Variants in USPL1 observed in about 807,000 individuals in gnomAD.
The protein encoded by USPL1 is ubiquitin specific peptidase like 1, also known as SUMO-specific isopeptidase USPL1.
USPL1 carries 27 observed loss-of-function variants against 51.5 expected under a neutral mutation model. That is an observed-to-expected ratio of 0.52 (90% CI 0.39 to 0.72). The LOEUF (loss-of-function observed/expected upper bound fraction) is 0.72. Among genes scored for constraint, USPL1 ranks in the 30% least tolerant of loss-of-function variants. USPL1 has a pLI of 0.00. For missense variants in USPL1, 1,226 were observed against 1,268.0 expected, an observed-to-expected ratio of 0.97 and a Z score of 0.50; for synonymous variants, 451 against 459.6, an observed-to-expected ratio of 0.98 and a Z score of 0.24.
intron 3 of USPL1, among the ~76,000 whole-genome samples, chr13:30,626,853 T>G: frequency 6.6e-6 from 1 of 152,076 alleles, no homozygotes; most frequent in Non-Finnish European, 1.5e-5. Flanking sequence ...TTAATTAGTC[T>G]TTTTTAAAAA....
At chr13:30,645,309 T>C (rs1951003350) in intron 6 of USPL1, among the ~76,000 whole-genome samples, 1 of 152,224 alleles carries the variant, frequency 6.6e-6, no homozygotes, top group Admixed American at 6.5e-5. Context: ...TAGTGTATCT[T>C]TGCCAAATTT....
intron 3 of USPL1, among the ~76,000 whole-genome samples, 180 bp downstream of exon 3, chr13:30,622,072 C>T (rs148593822): frequency 3.9e-5 from 6 of 151,938 alleles, no homozygotes; most frequent in East Asian, 1.9e-4. Flanking sequence ...TACTTGGTTG[C>T]GTAAAGATGT....
chr13:30,626,113 C>T (rs923400947), intron 3 of USPL1, among the ~76,000 whole-genome samples: 2 of 152,128 alleles, frequency 1.3e-5, no homozygotes, highest in African/African-American at 2.4e-5. Flanking sequence ...GTCAGGAGTT[C>T]GAGACCAGCC....
intron 7 of USPL1, among the ~76,000 whole-genome samples, chr13:30,648,107 A>G (rs1951042057): frequency 6.6e-6 from 1 of 151,928 alleles, no homozygotes; most frequent in Admixed American, 6.6e-5. Context: ...TATTTGGCTA[A>G]CTCAGTACTC....
intron 6 of USPL1, among the ~76,000 whole-genome samples, chr13:30,643,471 A>G (rs1301287277): frequency 1.3e-5 from 2 of 152,160 alleles, no homozygotes; most frequent in Non-Finnish European, 2.9e-5. Flanking sequence ...CAGGGAGGCA[A>G]GGTATTCCCA....
Position 30,653,217 on chromosome 13 carries a change from T to G in USPL1, c.1308T>G (p.Phe436Leu). ...LPQNDLQHYA[F>L]HFEGCLYQIT... ...AGAATGACTTGCAGCACTATGCATT[T>G]CATTTTGAAGGCTGTCTTTATCAGA... The change falls in exon 8 of 9, where the codon TTT becomes TTG. Residue 436 changes from phenylalanine (F) to leucine (L), a missense_variant. Transcript: ENST00000255304. The G allele has an allele frequency of 6.2e-7, 1 of 1,613,290 alleles. No individual in the cohort carries two copies. Among genetic ancestry groups the G allele is most frequent in the East Asian group, 2.2e-5 (1 of 44,850 alleles).
chr13:30,649,100 A>G (rs1951055381), intron 7 of USPL1, among the ~76,000 whole-genome samples: 1 of 152,228 alleles, frequency 6.6e-6, no homozygotes, highest in African/African-American at 2.4e-5. Flanking sequence ...TCATGCTCTG[A>G]TCTGGAAATG....
rs1041683399 is a variant in USPL1 at position 30,631,202 on chromosome 13, C to T, written c.596C>T (p.Pro199Leu). 1 of 1,614,052 alleles carries T rather than the reference C, an allele frequency of 6.2e-7. No homozygotes were observed. The highest frequency in any genetic ancestry group is 1.7e-5 in the Admixed American group (1 of 60,000). Residue 199 changes from proline (P) to leucine (L), a missense_variant, in exon 4 of 9, where the codon CCT (proline) becomes CTT (leucine). By Grantham distance (98) the Pro-to-Leu change is moderately conservative. Coordinates refer to ENST00000255304, the MANE Select transcript of USPL1 (RefSeq NM_005800.5). ...GTTGATGTCTCTGGAACTGGCAGAC[C>T]TTCCCCTCAAAATGAAGGATGTACA... ...ATVDVSGTGR[P>L]SPQNEGCTSK... is the part of the protein sequence containing the mutation.
At chr13:30,634,669 G>A (rs1950851956) in intron 4 of USPL1, among the ~76,000 whole-genome samples, 1 of 152,128 alleles carries the variant, frequency 6.6e-6, no homozygotes, top group Admixed American at 6.5e-5. Context: ...GACCATTTGG[G>A]GGGCAAGTCT....
chr13:30,653,370 C>G (rs1447968703), intron 8 of USPL1, 65 bp downstream of exon 8: 1 of 1,434,562 alleles, frequency 7.0e-7, no homozygotes, highest in Non-Finnish European at 9.2e-7. Flanking sequence ...CATGTGGGGA[C>G]TTTTTGGTTT....
intron 1 of USPL1, among the ~76,000 whole-genome samples, chr13:30,619,451 G>A (rs1453608769): frequency 6.6e-6 from 1 of 152,104 alleles, no homozygotes; most frequent in Non-Finnish European, 1.5e-5. Context: ...AGAGAAAACC[G>A]TTTGATTTGA....
intron 2 of USPL1, 123 bp from the exon 3 acceptor site, chr13:30,621,641 A>C: frequency 1.4e-6 from 1 of 736,538 alleles, no homozygotes; most frequent in Non-Finnish European, 1.9e-6. Context: ...TGTTTAAAAT[A>C]CCTTGTCAGG....
chr13:30,621,524 T>G (rs1252480555), intron 2 of USPL1, among the ~76,000 whole-genome samples: 1 of 152,112 alleles, frequency 6.6e-6, no homozygotes, highest in Non-Finnish European at 1.5e-5. Flanking sequence ...GCAAATAAAA[T>G]TGATACTATT....
chr13:30,648,448 TC>T (rs1361273375), intron 7 of USPL1, among the ~76,000 whole-genome samples: 1 of 152,182 alleles, frequency 6.6e-6, no homozygotes, highest in Non-Finnish European at 1.5e-5. Flanking sequence ...TGTACACACT[TC>T]CAGTCACTAT....
intron 5 of USPL1, among the ~76,000 whole-genome samples, chr13:30,641,087 T>G (rs1051967194): frequency 3.9e-5 from 6 of 152,176 alleles, no homozygotes; most frequent in African/African-American, 1.4e-4. Flanking sequence ...TCTCTAGTAC[T>G]TTTCCCAGTA....
chr13:30,650,970 C>T (rs567555903), intron 7 of USPL1, among the ~76,000 whole-genome samples: 3 of 147,490 alleles, frequency 2.0e-5, no homozygotes, highest in African/African-American at 7.6e-5. Flanking sequence ...ACTTGGACAA[C>T]AGAGTGAGAC....
Position 30,637,744 on chromosome 13 carries a change from A to T in USPL1, c.869A>T (p.Asp290Val), listed in dbSNP as rs374186272. The T allele has an allele frequency of 2.6e-5, 42 of 1,603,872 alleles. No individual in the cohort carries two copies. The highest frequency in any genetic ancestry group is 3.3e-5 in the Non-Finnish European group (39 of 1,173,388). Residue 290 changes from aspartate to valine, a missense_variant and splice_region_variant, in exon 5 of 9, where the codon GAT becomes GTT. Asp to Val is a radical substitution (Grantham distance 152). Transcript: ENST00000255304. Reference protein sequence around the residue: ...LYTSQLSGVKDGDCKKLTSEI... With the variant: ...LYTSQLSGVKVGDCKKLTSEI... Reference sequence around the variant, plus strand: ...GATAATGTTCTCTGTATTTTCTTAGATGGAGATTGTAAAAAACTTACCTCA... The same window carrying T: ...GATAATGTTCTCTGTATTTTCTTAGTTGGAGATTGTAAAAAACTTACCTCA...
At chr13:30,636,034 T>C (rs1457669828) in intron 4 of USPL1, among the ~76,000 whole-genome samples, 1 of 152,216 alleles carries the variant, frequency 6.6e-6, no homozygotes, top group Non-Finnish European at 1.5e-5. Context: ...AAATATTTTG[T>C]TTCAGTGTAG....
intron 5 of USPL1, among the ~76,000 whole-genome samples, chr13:30,640,018 G>T: frequency 6.6e-6 from 1 of 152,152 alleles, no homozygotes; most frequent in African/African-American, 2.4e-5. Flanking sequence ...CAAGCATACA[G>T]CTCTTTTCAG....
Sources: allele counts gnomAD v4.1 joint callset (sites outside exome capture counted in the v4.1 genomes callset), GRCh38; gene constraint gnomAD v4.1.1; transcripts MANE v1.5; gene names NCBI Gene and HGNC (gene_info 2026-07-23, HGNC 2026-07-21).